Variants in ACBD6 observed in about 807,000 individuals in gnomAD.
ACBD6 encodes the protein acyl-CoA-binding domain-containing protein 6.
A neutral mutation model predicts 37.2 loss-of-function variants in ACBD6; 28 were observed. The ratio of observed to expected loss-of-function variants is 0.75; its 90% CI spans 0.56 to 1.03. The LOEUF is 1.03. ACBD6 is among the 50% of genes least tolerant of loss of function. The probability of loss-of-function intolerance (pLI) is 0.00; values close to 1 mark genes in which losing one functional copy is unlikely to be tolerated. For missense variants in ACBD6, 340 were observed against 337.4 expected (o/e 1.01, Z -0.06); for synonymous variants, 113 against 126.8 (o/e 0.89, Z 0.73).
intron 6 of ACBD6, among the ~76,000 whole-genome samples, chr1:180,354,490 G>C (rs942422220): frequency 6.6e-6 from 1 of 151,936 alleles, no homozygotes; most frequent in Admixed American, 6.5e-5. Context: ...AACATGAAAA[G>C]ATTTTTATTT....
At chr1:180,492,155 C>G (rs1651530016) in intron 3 of ACBD6, 114 bp downstream of exon 3, 1 of 792,454 alleles carries the variant, frequency 1.3e-6, no homozygotes, top group Non-Finnish European at 2.1e-6. Context: ...TAAAATATTT[C>G]AAGAAAGTAA....
At chr1:180,412,967 A>G (rs965789663) in intron 5 of ACBD6, among the ~76,000 whole-genome samples, 2 of 152,222 alleles carry the variant, frequency 1.3e-5, no homozygotes, top group African/African-American at 4.8e-5. Flanking sequence ...CAAAATTCTG[A>G]CAGTTTTCTA....
In ACBD6 at chr1:180,330,944, C is replaced by G. The variant is rs1483209718; in HGVS notation, c.664-16222G>C. Among the ~76,000 whole-genome samples, 4 of 152,206 alleles carry G rather than the reference C, an allele frequency of 2.6e-5. No homozygotes were observed. In the East Asian group the frequency reaches 7.7e-4, roughly 29 times the overall value. On this transcript the variant is annotated intron_variant, in intron 6 of 7. Coordinates refer to ENST00000367595, the MANE Select transcript of ACBD6 (RefSeq NM_032360.4). ...ATCAATTATTCGGAAATATTTCAGA[C>G]AGAAACCATTCCAAATTTGCCATCA...
intron 4 of ACBD6, among the ~76,000 whole-genome samples, chr1:180,429,189 A>T (rs1648715573): frequency 6.6e-6 from 1 of 152,170 alleles, no homozygotes; most frequent in African/African-American, 2.4e-5. Context: ...CAATCCCCGT[A>T]ACTTTTTCAT....
chr1:180,375,480 C>T (rs548409872), intron 6 of ACBD6, among the ~76,000 whole-genome samples: 92 of 152,264 alleles, frequency 6.0e-4, no homozygotes, highest in African/African-American at 1.3e-3. Flanking sequence ...TGCACACCAC[C>T]ATGCCTGGCT....
intron 2 of ACBD6, among the ~76,000 whole-genome samples, chr1:180,494,628 A>G (rs1651656796): frequency 6.6e-6 from 1 of 152,152 alleles, no homozygotes. Context: ...TTTATGTGGG[A>G]CTGCTCTAGA....
At chr1:180,281,883 T>C (rs1227149236) in intron 8 of ACBD6, among the ~76,000 whole-genome samples, 1 of 152,242 alleles carries the variant, frequency 6.6e-6, no homozygotes, top group African/African-American at 2.4e-5. Context: ...ATAAAGGTCT[T>C]TTAAATGATC....
chr1:180,431,849 A>T (rs958883794), intron 3 of ACBD6, among the ~76,000 whole-genome samples: 2 of 152,272 alleles, frequency 1.3e-5, no homozygotes, highest in East Asian at 3.9e-4. Flanking sequence ...AGAAGGTAAC[A>T]TGGCGGAAAA....
At chr1:180,378,352 C>T (rs978606627) in intron 6 of ACBD6, among the ~76,000 whole-genome samples, 3 of 152,040 alleles carry the variant, frequency 2.0e-5, no homozygotes, top group Non-Finnish European at 4.4e-5. Context: ...ATAACTAAAT[C>T]CAAATTACAA....
chr1:180,391,134 A>G (rs529736627), intron 6 of ACBD6, among the ~76,000 whole-genome samples: 64 of 152,314 alleles, frequency 4.2e-4, no homozygotes, highest in Non-Finnish European at 8.5e-4. Context: ...CATATGTAAA[A>G]GAATGAAGTT....
In ACBD6 at chr1:180,292,605, T is replaced by TA. The variant is rs1371343820; in HGVS notation, c.695-4089dup. ...ATCCTGTGAACTTGGTGAACTCACT[T>TA]ATTCTAGGTTTTTTTTTTTTAATAG... On this transcript the variant is annotated intron_variant, in intron 7 of 7. Transcript: ENST00000367595. 2.7e-5 allele frequency among the ~76,000 whole-genome samples: 4 copies of TA among 150,892 alleles called. No homozygotes were observed. The East Asian group carries it at 7.7e-4, about 29-fold the overall frequency.
intron 4 of ACBD6, among the ~76,000 whole-genome samples, chr1:180,427,655 G>T (rs1363668306): frequency 4.6e-5 from 7 of 152,144 alleles, no homozygotes; most frequent in Admixed American, 6.5e-5. Flanking sequence ...AGGCACAGCG[G>T]CTCACGCCTG....
intron 6 of ACBD6, among the ~76,000 whole-genome samples, chr1:180,373,120 C>G (rs1389249638): frequency 2.6e-5 from 4 of 152,164 alleles, no homozygotes; most frequent in Non-Finnish European, 5.9e-5. Context: ...GGAATAGCAG[C>G]AATGTACAAG....
chr1:180,311,797 T>C (rs1295225283), intron 7 of ACBD6, among the ~76,000 whole-genome samples: 2 of 152,230 alleles, frequency 1.3e-5, no homozygotes, highest in African/African-American at 4.8e-5. Flanking sequence ...GTTTTCCTTC[T>C]TACCAAATTT....
chr1:180,458,639 A>G (rs1207989123), intron 3 of ACBD6, among the ~76,000 whole-genome samples: 2 of 152,176 alleles, frequency 1.3e-5, no homozygotes, highest in African/African-American at 4.8e-5. Flanking sequence ...TAATAAAGGC[A>G]TTTCAGAAAA....
Position 180,306,030 on chromosome 1 carries a change from T to C in ACBD6, c.694+8662A>G, listed in dbSNP as rs565176654. ...ACCAAACACCGCATATTCTCACTCA[T>C]AGGTGGGAATTGAACAATGAGAACA... On this transcript the variant is annotated intron_variant, in intron 7 of 7. Transcript: ENST00000367595. Among the ~76,000 whole-genome samples the C allele has an allele frequency of 1.1e-4, 15 of 137,798 alleles. No homozygotes were observed. The South Asian group carries it at 2.5e-3, about 23-fold the overall frequency. 90.4% of individuals were successfully genotyped at this position (137,798 alleles called of 152,430 possible).
chr1:180,312,504 T>C (rs1003999723), intron 7 of ACBD6, among the ~76,000 whole-genome samples: 2 of 152,196 alleles, frequency 1.3e-5, no homozygotes, highest in South Asian at 4.1e-4. Flanking sequence ...ATGATGATGA[T>C]TTTGTTTCAT....
chr1:180,279,996 T>C (rs1448227569), intron 9 of ACBD6, among the ~76,000 whole-genome samples: 1 of 152,238 alleles, frequency 6.6e-6, no homozygotes, highest in African/African-American at 2.4e-5. Flanking sequence ...TAGCCACACA[T>C]GGCTATTTAA....
chr1:180,423,605 CAAAG>C (rs972688564), intron 4 of ACBD6, among the ~76,000 whole-genome samples: 44 of 151,502 alleles, frequency 2.9e-4, no homozygotes, highest in African/African-American at 1.0e-3. Flanking sequence ...AAAGTATTGA[CAAAG>C]AAAAAAATCA....
Sources: allele counts gnomAD v4.1 joint callset (sites outside exome capture counted in the v4.1 genomes callset), GRCh38; gene constraint gnomAD v4.1.1; transcripts MANE v1.5; gene names NCBI Gene and HGNC (gene_info 2026-07-23, HGNC 2026-07-21).